The following KLHDC9 variants were observed in gnomAD, a reference collection of about 807,000 sequenced individuals.
KLHDC9 encodes kelch domain-containing protein 9.
A neutral mutation model predicts 31.5 loss-of-function variants in KLHDC9; 26 were observed. That is an observed-to-expected ratio of 0.83 (90% CI 0.61 to 1.15). The LOEUF is 1.15. Among genes scored for constraint, KLHDC9 ranks in the 50% most tolerant of loss-of-function variants. KLHDC9 has a pLI of 0.00. For missense variants in KLHDC9, 437 were observed against 467.7 expected (o/e 0.93, Z 0.61); for synonymous variants, 176 against 184.7 (o/e 0.95, Z 0.38).
chr1:161,099,281 C>G, intron 1 of KLHDC9, 65 bp from the exon 2 acceptor site: 1 of 1,587,642 alleles, frequency 6.3e-7, no homozygotes. Context: ...CCATCCTTGG[C>G]AAGGGCGGTG....
In KLHDC9 at chr1:161,100,229, T is replaced by C. The variant is rs781077957; in HGVS notation, c.*5T>C. 25 of 1,611,928 alleles carry C rather than the reference T, an allele frequency of 1.6e-5. No individual in the cohort carries two copies. The East Asian group carries it at 4.9e-4, about 32-fold the overall frequency. Reference sequence around the variant, plus strand: ...TGCATCCTGGACTTTATCTAAATAGTGCCAAGACACATCACTAAGCCTCGT... The same window carrying C: ...TGCATCCTGGACTTTATCTAAATAGCGCCAAGACACATCACTAAGCCTCGT... On this transcript the variant is annotated 3_prime_UTR_variant, in exon 4 of 4. Transcript: ENST00000368011.
chr1:161,099,864 A>G, intron 3 of KLHDC9, 68 bp downstream of exon 3: 1 of 1,472,500 alleles, frequency 6.8e-7, no homozygotes, highest in Non-Finnish European at 9.5e-7. Flanking sequence ...GACTACAGAA[A>G]GAGGATGGAG....
At chr1:161,099,119 A>G in intron 1 of KLHDC9, 57 bp downstream of exon 1, 1 of 1,546,920 alleles carries the variant, frequency 6.5e-7, no homozygotes, top group East Asian at 2.3e-5. Context: ...GAAAAACAAA[A>G]GCCTAAGCAG....
At chr1:161,099,534 G>C in intron 2 of KLHDC9, 29 bp downstream of exon 2, 1 of 1,614,146 alleles carries the variant, frequency 6.2e-7, no homozygotes, top group Non-Finnish European at 8.5e-7. Context: ...TCTTGTTTAG[G>C]ATGGGAAGAG....
Position 161,099,408 on chromosome 1 carries a change from C to T in KLHDC9, c.590C>T (p.Thr197Ile), listed in dbSNP as rs200796951. The change falls in exon 2 of 4, where the codon ACT (threonine) becomes ATT (isoleucine). Residue 197 changes from threonine to isoleucine, a missense_variant. By Grantham distance (89) the Thr-to-Ile change is moderately conservative. Coordinates refer to ENST00000368011, the MANE Select transcript of KLHDC9 (RefSeq NM_152366.5). Reference sequence around the variant, plus strand: ...GGTCACTGTGCGGCCCTGCTCCAAACTCCTGGACCCCATCCAGGTCATCAG... The same window carrying T: ...GGTCACTGTGCGGCCCTGCTCCAAATTCCTGGACCCCATCCAGGTCATCAG... ...RSGHCAALLQ[T>I]PGPHPGHQLL... is the part of the protein sequence containing the mutation. The T allele has an allele frequency of 6.2e-7, 1 of 1,614,260 alleles. No individual in the cohort carries two copies. Among genetic ancestry groups the T allele is most frequent in the African/African-American group, 1.3e-5 (1 of 75,082 alleles).
At chr1:161,099,565 G>T (rs750341230) in intron 2 of KLHDC9, 33 bp from the exon 3 acceptor site, 1 of 1,613,990 alleles carries the variant, frequency 6.2e-7, no homozygotes, top group Admixed American at 1.7e-5. Context: ...TGATGCCCAG[G>T]TCTCTTCGGA....
chr1:161,099,198 G>A, intron 1 of KLHDC9, 136 bp downstream of exon 1: 5 of 1,296,838 alleles, frequency 3.9e-6, no homozygotes, highest in Non-Finnish European at 5.4e-6. Flanking sequence ...CCATGTTTAA[G>A]CTAGCTGAGC....
rs1382009242 is a variant in KLHDC9, at chr1:161,098,550, G to GC, written c.20dup (p.Arg9SerfsTer20). ...CCCCGGGGCCCATGGCGGTGGCCGT[G>GC]CCCCCGGGTCGGGCCGCAGGCTCAG... On this transcript the variant is annotated frameshift_variant, in exon 1 of 4. Transcript: ENST00000368011. LOFTEE classifies it high-confidence loss of function. This position sits in a 1 kb window ranked among gnomAD's most constrained non-coding sequence, Gnocchi z 6.3. 1.9e-6 allele frequency: 3 copies of GC among 1,554,008 alleles called. No individual in the cohort carries two copies. The highest frequency in any genetic ancestry group is 2.7e-5 in the African/African-American group (2 of 73,198).
rs376371294 is a variant in KLHDC9 at position 161,098,974 on chromosome 1, G to A, written c.439G>A (p.Val147Met). ...CTRISDRELQ[V>M]AGREGGIHTQ... ...CCGAATCTCTGACCGAGAGCTGCAGGTGGCTGGCCGGGAGGGCGGTATCCA... is the reference window on the plus strand; with the variant it reads ...CCGAATCTCTGACCGAGAGCTGCAGATGGCTGGCCGGGAGGGCGGTATCCA... Residue 147 changes from valine (V) to methionine (M), a missense_variant, in exon 1 of 4, where the codon GTG becomes ATG. Val to Met is a conservative substitution (Grantham distance 21). Coordinates refer to ENST00000368011, the MANE Select transcript of KLHDC9 (RefSeq NM_152366.5). This position sits in a 1 kb window ranked among gnomAD's most constrained non-coding sequence, Gnocchi z 6.3. The A allele has an allele frequency of 1.4e-5, 23 of 1,590,522 alleles. No individual in the cohort carries two copies. In the African/African-American group the frequency reaches 1.5e-4, roughly 10 times the overall value.
Position 161,100,290 on chromosome 1 carries a change from T to C in KLHDC9, c.*66T>C. ...TTTGTTGCAAACCTATAAAGCGTTA[T>C]CACCAGAGCTATCTGCTTCACTTCA... On this transcript the variant is annotated 3_prime_UTR_variant, in exon 4 of 4. Transcript: ENST00000368011. The C allele has an allele frequency of 7.0e-7, 1 of 1,435,494 alleles. No individual in the cohort carries two copies. The highest frequency in any genetic ancestry group is 9.6e-7 in the Non-Finnish European group (1 of 1,040,826). The allele number at this position is 1,435,494 out of a possible 1,614,324, so 88.9% of individuals were successfully genotyped here. A position where few individuals can be genotyped will look rare whatever the true frequency, so the allele number is the denominator to read the frequency against.
rs1654515455 is a variant in KLHDC9 at position 161,100,205 on chromosome 1, G to A, written c.1031G>A (p.Cys344Tyr). Residue 344 changes from cysteine to tyrosine, a missense_variant, in exon 4 of 4, where the codon TGC (cysteine) becomes TAC (tyrosine). Coordinates refer to ENST00000368011, the MANE Select transcript of KLHDC9 (RefSeq NM_152366.5). The stretch of plus-strand genomic sequence containing the variant: ...GGCAGGACAGCCAGTCCACAGGTTT[G>A]CATCCTGGACTTTATCTAAATAGTG... Reference protein sequence around the residue: ...EDGRTASPQVCILDFI With the variant: ...EDGRTASPQVYILDFI 1 of 1,614,142 alleles carries A rather than the reference G, an allele frequency of 6.2e-7. No individual in the cohort carries two copies. Among genetic ancestry groups the A allele is most frequent in the Non-Finnish European group, 8.5e-7 (1 of 1,180,008 alleles).
rs1296758055 is a variant in KLHDC9, at chr1:161,099,042, C to T, written c.507C>T (p.Asp169=). 1.3e-6 allele frequency: 2 copies of T among 1,596,936 alleles called. No homozygotes were observed. The highest frequency in any genetic ancestry group is 1.7e-6 in the Non-Finnish European group (2 of 1,178,984). ...RYGSIYTLRL[D]PSARTYCYKQ... Reference sequence around the variant, plus strand: ...GAAGCATCTACACATTAAGGCTGGACCCCAGCGCCCGCACCTATTGGTATG... The same window carrying T: ...GAAGCATCTACACATTAAGGCTGGATCCCAGCGCCCGCACCTATTGGTATG... The change falls in exon 1 of 4, where the codon GAC becomes GAT. Residue 169 remains aspartate, a synonymous_variant. Transcript: ENST00000368011.
chr1:161,100,016 A>G (rs1654503462), intron 3 of KLHDC9, 45 bp from the exon 4 acceptor site: 12 of 1,602,732 alleles, frequency 7.5e-6, no homozygotes, highest in South Asian at 2.2e-5. Flanking sequence ...TGTGAATGAC[A>G]AAGTGCTACT....
Position 161,099,014 on chromosome 1 carries a change from A to C in KLHDC9, c.479A>C (p.Tyr160Ser), listed in dbSNP as rs1474675263. The stretch of plus-strand genomic sequence containing the variant: ...GGCGGTATCCACACTCAGCGACGCT[A>C]TGGAAGCATCTACACATTAAGGCTG... ...REGGIHTQRR[Y>S]GSIYTLRLDP... The change falls in exon 1 of 4, where the codon TAT (tyrosine) becomes TCT (serine). Residue 160 changes from tyrosine to serine, a missense_variant. By Grantham distance (144) the Tyr-to-Ser change is moderately radical. Transcript: ENST00000368011. The C allele has an allele frequency of 6.3e-7, 1 of 1,596,630 alleles. No individual in the cohort carries two copies. The highest frequency in any genetic ancestry group is 1.1e-5 in the South Asian group (1 of 90,470).
Position 161,100,319 on chromosome 1 carries a change from G to T in KLHDC9, c.*95G>T. The T allele has an allele frequency of 3.1e-6, 4 of 1,293,292 alleles. No individual in the cohort carries two copies. The highest frequency in any genetic ancestry group is 1.5e-5 in the African/African-American group (1 of 67,248). 80.1% of individuals were successfully genotyped at this position (1,293,292 alleles called of 1,614,324 possible). A position where few individuals can be genotyped will look rare whatever the true frequency, so the allele number is the denominator to read the frequency against. On this transcript the variant is annotated 3_prime_UTR_variant, in exon 4 of 4. Coordinates refer to ENST00000368011, the MANE Select transcript of KLHDC9 (RefSeq NM_152366.5). The stretch of plus-strand genomic sequence containing the variant: ...CAGAGCTATCTGCTTCACTTCAAAT[G>T]CTTATTAAATTTCAATCTGAGACTC...
In KLHDC9 at chr1:161,098,372, T is replaced by C. The variant is rs1447925728; in HGVS notation, c.-164T>C. The C allele has an allele frequency of 1.6e-6, 1 of 629,162 alleles. No individual in the cohort carries two copies. The highest frequency in any genetic ancestry group is 3.1e-5 in the Admixed American group (1 of 32,208). The allele number at this position is 629,162 out of a possible 1,614,324, so 39.0% of individuals were successfully genotyped here. On this transcript the variant is annotated 5_prime_UTR_variant, in exon 1 of 4. Transcript: ENST00000368011. This position sits in a 1 kb window ranked among gnomAD's most constrained non-coding sequence, Gnocchi z 6.3. ...GCGCTGCAGCCGCTGCAGTGGTTGC[T>C]GGGCGACCACGGAGAGAAAGCCGGG...
chr1:161,098,555 C>T lies in KLHDC9; in HGVS notation c.20C>T (p.Pro7Leu). 1.3e-6 allele frequency: 2 copies of T among 1,556,422 alleles called. No homozygotes were observed. Among genetic ancestry groups the T allele is most frequent in the Admixed American group, 1.9e-5 (1 of 51,686 alleles). The change falls in exon 1 of 4, where the codon CCG (proline) becomes CTG (leucine). Residue 7 changes from proline to leucine, a missense_variant. Pro to Leu is a moderately conservative substitution (Grantham distance 98). Coordinates refer to ENST00000368011, the MANE Select transcript of KLHDC9 (RefSeq NM_152366.5). The surrounding 1 kb of genome is among the most constrained non-coding windows in gnomAD (Gnocchi z 6.3). MAVAVP[P>L]GRAAGSGWAW... ...GGGCCCATGGCGGTGGCCGTGCCCC[C>T]GGGTCGGGCCGCAGGCTCAGGCTGG...
In KLHDC9 at chr1:161,098,487, G is replaced by C. The variant is rs1289245225; in HGVS notation, c.-49G>C. 14 of 1,473,572 alleles carry C rather than the reference G, an allele frequency of 9.5e-6. No individual in the cohort carries two copies. Among genetic ancestry groups the C allele is most frequent in the Non-Finnish European group, 1.8e-6 (2 of 1,105,206 alleles). The allele number at this position is 1,473,572 out of a possible 1,614,324, so 91.3% of individuals were successfully genotyped here. A position where few individuals can be genotyped will look rare whatever the true frequency, so the allele number is the denominator to read the frequency against. ...CGAGGTGCCTGGCCTGCCATGTAGG[G>C]GCTCGTTCCAAGCCGCAGACCCCAC... On this transcript the variant is annotated 5_prime_UTR_variant, in exon 1 of 4. Transcript: ENST00000368011. The surrounding 1 kb of genome is among the most constrained non-coding windows in gnomAD (Gnocchi z 6.3).
Position 161,100,138 on chromosome 1 carries a change from T to A in KLHDC9, c.964T>A (p.Trp322Arg), listed in dbSNP as rs368015597. ...MKRMGHRTCLWNDQLYLVGGF... is the reference protein window; with the variant it reads ...MKRMGHRTCLRNDQLYLVGGF... Reference sequence around the variant, plus strand: ...ACGCATGGGCCATCGCACCTGCCTTTGGAATGATCAGCTTTACCTGGTTGG... The same window carrying A: ...ACGCATGGGCCATCGCACCTGCCTTAGGAATGATCAGCTTTACCTGGTTGG... Residue 322 changes from tryptophan to arginine, a missense_variant, in exon 4 of 4, where the codon TGG becomes AGG. Transcript: ENST00000368011. The A allele has an allele frequency of 3.1e-6, 5 of 1,614,262 alleles. No individual in the cohort carries two copies. The Middle Eastern group carries it at 4.9e-4, about 160-fold the overall frequency.
Sources: gnomAD v4.1 joint callset for allele counts on GRCh38, gnomAD v4.1.1 for gene constraint, Gnocchi (gnomAD v3.1) non-coding constraint, MANE v1.5 for transcripts, NCBI Gene and HGNC (gene_info 2026-07-23, HGNC 2026-07-21) for gene names.